SNAP91: variants seen among roughly 807,000 people sequenced by gnomAD.
The protein encoded by SNAP91 is synaptosome associated protein 91.
SNAP91 carries 27 observed loss-of-function variants against 100.3 expected under a neutral mutation model. The observed-to-expected ratio is 0.27, with a 90% CI of 0.20 to 0.37. The LOEUF (loss-of-function observed/expected upper bound fraction) is 0.37. Among genes scored for constraint, SNAP91 ranks in the 10% least tolerant of loss-of-function variants. SNAP91 has a pLI of 1.00. For synonymous variants in SNAP91, 404 were observed against 398.6 expected (o/e 1.01, Z -0.16); for missense variants, 986 against 1,123.7 (o/e 0.88, Z 1.75).
intron 7 of SNAP91, among the ~76,000 whole-genome samples, chr6:83,655,674 A>C (rs1363257264): frequency 1.3e-5 from 2 of 152,238 alleles, no homozygotes; most frequent in African/African-American, 4.8e-5. Context: ...GGTGTTATCT[A>C]ATGTACCAAA....
intron 2 of SNAP91, among the ~76,000 whole-genome samples, chr6:83,675,414 T>C (rs914329071): frequency 2.0e-5 from 3 of 152,358 alleles, no homozygotes; most frequent in Non-Finnish European, 2.9e-5. Context: ...AATACTTGTA[T>C]TTCTTCATTA....
At chr6:83,656,672 A>T in intron 7 of SNAP91, 82 bp downstream of exon 7, 1 of 509,410 alleles carries the variant, frequency 2.0e-6, no homozygotes, top group Non-Finnish European at 3.4e-6. Context: ...CCACCAAGTG[A>T]GACAACAGAC....
chr6:83,591,715 G>T (rs1165570512), intron 21 of SNAP91, among the ~76,000 whole-genome samples: 3 of 152,106 alleles, frequency 2.0e-5, no homozygotes, highest in African/African-American at 7.2e-5. Flanking sequence ...TACATGTCAA[G>T]GTTTAGTGTT....
At chr6:83,682,377 T>C (rs2099002353) in intron 2 of SNAP91, among the ~76,000 whole-genome samples, 1 of 151,592 alleles carries the variant, frequency 6.6e-6, no homozygotes, top group Admixed American at 6.6e-5. Context: ...GTGTTTGTTG[T>C]TTGTTTGTTT....
chr6:83,707,260 T>TCAAA (rs1554394685), intron 2 of SNAP91, among the ~76,000 whole-genome samples: 6 of 150,262 alleles, frequency 4.0e-5, no homozygotes, highest in African/African-American at 1.5e-4. Context: ...GTAACATACC[T>TCAAA]CACACACACA....
intron 2 of SNAP91, chr6:83,686,880 C>T (rs1474013010): frequency 6.6e-6 from 1 of 152,152 alleles, no homozygotes; most frequent in Non-Finnish European, 1.5e-5. Context: ...AGTGTGTTAA[C>T]TGTACACTCT....
Position 83,620,255 on chromosome 6 carries a change from G to A in SNAP91, c.807+3046C>T, listed in dbSNP as rs148540608. Reference sequence around the variant, plus strand: ...AGCATTCTATTCCTACTCCCAGTAGGAAGCCCTTCTGATCTCCATCTCTTC... The same window carrying A: ...AGCATTCTATTCCTACTCCCAGTAGAAAGCCCTTCTGATCTCCATCTCTTC... On this transcript the variant is annotated intron_variant, in intron 9 of 29. Coordinates refer to ENST00000369694, the MANE Select transcript of SNAP91 (RefSeq NM_001242792.2). Among the ~76,000 whole-genome samples, 1,224 of 152,204 alleles carry A rather than the reference G, an allele frequency of 8.0e-3. 14 individuals are homozygous for A. The highest frequency in any genetic ancestry group is 0.027 in the African/African-American group (1,135 of 41,538).
In SNAP91 at chr6:83,570,455, C is replaced by A. The variant is rs188251163; in HGVS notation, c.2442+4555G>T. ...TAAATTTGCATAAGTAACAAAGAGCCGAATGTTTATCACCAACACAATGGG... is the reference window on the plus strand; with the variant it reads ...TAAATTTGCATAAGTAACAAAGAGCAGAATGTTTATCACCAACACAATGGG... On this transcript the variant is annotated intron_variant, in intron 26 of 29. Coordinates refer to ENST00000369694, the MANE Select transcript of SNAP91 (RefSeq NM_001242792.2). Among the ~76,000 whole-genome samples the A allele has an allele frequency of 2.0e-5, 3 of 151,128 alleles. No individual in the cohort carries two copies. The East Asian group carries it at 5.9e-4, about 30-fold the overall frequency.
chr6:83,634,273 C>T lies in SNAP91; in HGVS notation c.765+6823G>A, dbSNP rs578240233. Among the ~76,000 whole-genome samples the T allele has an allele frequency of 1.6e-4, 24 of 152,240 alleles. No homozygotes were observed. In the East Asian group the frequency reaches 4.3e-3, roughly 27 times the overall value. ...ACAGGGATTTTTTTCACTGCTTCTT[C>T]TATCCCTGTATTTTGCTTGGCTCTC... is the stretch of plus-strand genomic sequence containing the variant. On this transcript the variant is annotated intron_variant, in intron 8 of 29. Coordinates refer to ENST00000369694, the MANE Select transcript of SNAP91 (RefSeq NM_001242792.2).
intron 2 of SNAP91, among the ~76,000 whole-genome samples, chr6:83,688,416 T>G (rs185950715): frequency 1.3e-5 from 2 of 152,290 alleles, no homozygotes; most frequent in Admixed American, 6.5e-5. Flanking sequence ...CTTCCTTTCT[T>G]TTTACTGTAT....
intron 16 of SNAP91, among the ~76,000 whole-genome samples, chr6:83,598,496 T>G (rs2094768227): frequency 6.6e-6 from 1 of 152,192 alleles, no homozygotes; most frequent in Non-Finnish European, 1.5e-5. Context: ...GTTTTAATAT[T>G]TGATAGGGAT....
chr6:83,598,256 G>A (rs1562277492), intron 16 of SNAP91, among the ~76,000 whole-genome samples: 1 of 152,042 alleles, frequency 6.6e-6, no homozygotes, highest in South Asian at 2.1e-4. Context: ...TTGCAATCCT[G>A]TTCTGCATGA....
chr6:83,593,786 A>T, intron 17 of SNAP91, 45 bp from the exon 18 acceptor site: 3 of 1,519,480 alleles, frequency 2.0e-6, no homozygotes, highest in Non-Finnish European at 2.6e-6. Context: ...CAGTAAGGAA[A>T]GAGACAAGAG....
intron 8 of SNAP91, among the ~76,000 whole-genome samples, 158 bp downstream of exon 8, chr6:83,640,938 G>A (rs1352261911): frequency 1.3e-5 from 2 of 152,048 alleles, no homozygotes; most frequent in Non-Finnish European, 2.9e-5. Context: ...TGGATGACAC[G>A]ACTTCCAAAG....
intron 7 of SNAP91, among the ~76,000 whole-genome samples, chr6:83,653,949 G>GTC (rs2098308840): frequency 6.6e-6 from 1 of 152,098 alleles, no homozygotes; most frequent in Non-Finnish European, 1.5e-5. Context: ...GTAAAGCTCT[G>GTC]GTTAAGTAGT....
intron 22 of SNAP91, among the ~76,000 whole-genome samples, chr6:83,584,250 ACTT>A (rs1481432184): frequency 6.6e-6 from 1 of 152,154 alleles, no homozygotes; most frequent in East Asian, 1.9e-4. Context: ...TTGACTCTTG[ACTT>A]CTTAAAACTT....
intron 22 of SNAP91, 99 bp from the exon 23 acceptor site, chr6:83,582,455 T>A: frequency 8.1e-7 from 1 of 1,230,234 alleles, no homozygotes; most frequent in Non-Finnish European, 1.1e-6. Context: ...GAAAAGGAAT[T>A]AATTGCATGT....
chr6:83,644,863 C>G (rs1366562090), intron 7 of SNAP91, among the ~76,000 whole-genome samples: 1 of 152,156 alleles, frequency 6.6e-6, no homozygotes, highest in East Asian at 1.9e-4. Flanking sequence ...AAGGTTAACT[C>G]CTAGCACTAT....
intron 8 of SNAP91, among the ~76,000 whole-genome samples, chr6:83,631,498 G>GT (rs2097202882): frequency 6.6e-6 from 1 of 151,954 alleles, no homozygotes; most frequent in African/African-American, 2.4e-5. Flanking sequence ...ATTAGTAATC[G>GT]TTTTTACAAA....
Sources: allele counts gnomAD v4.1 joint callset (sites outside exome capture counted in the v4.1 genomes callset), GRCh38; gene constraint gnomAD v4.1.1; transcripts MANE v1.5; gene names NCBI Gene and HGNC (gene_info 2026-07-23, HGNC 2026-07-21).